The following TACC2 variants were observed in gnomAD, a reference collection of about 807,000 sequenced individuals.
TACC2 encodes the protein transforming acidic coiled-coil containing protein 2.
TACC2 carries 137 observed loss-of-function variants against 227.3 expected under a neutral mutation model. The observed-to-expected ratio is 0.60, with a 90% CI of 0.52 to 0.69. TACC2 has a LOEUF of 0.69. TACC2 is among the 30% of genes least tolerant of loss of function. The pLI is 0.00. For missense variants in TACC2, 3,470 were observed against 3,694.4 expected, an observed-to-expected ratio of 0.94 and a Z score of 1.57; for synonymous variants, 1,523 against 1,487.5, an observed-to-expected ratio of 1.02 and a Z score of -0.55.
At chr10:122,151,063 A>G (rs1017178591) in intron 7 of TACC2, among the ~76,000 whole-genome samples, 5 of 152,228 alleles carry the variant, frequency 3.3e-5, no homozygotes, top group Non-Finnish European at 7.3e-5. Flanking sequence ...TAGTAAATGT[A>G]CATGAAGAAT....
At chr10:122,129,703 G>T (rs1200728894) in intron 5 of TACC2, among the ~76,000 whole-genome samples, 1 of 152,168 alleles carries the variant, frequency 6.6e-6, no homozygotes, top group Non-Finnish European at 1.5e-5. Context: ...AAGACACCCA[G>T]CCGGAGCTCC....
chr10:122,111,530 C>T (rs12146289), intron 5 of TACC2, among the ~76,000 whole-genome samples: 5,158 of 152,270 alleles, frequency 0.034, 83 homozygotes, highest in Middle Eastern at 0.068. Context: ...CTCGCTCTGT[C>T]GCCAGGCTGG....
intron 2 of TACC2, among the ~76,000 whole-genome samples, chr10:122,040,693 C>A (rs1268776612): frequency 6.6e-6 from 1 of 152,146 alleles, no homozygotes; most frequent in South Asian, 2.1e-4. Flanking sequence ...AACATATCAT[C>A]ATTCAGTAAC....
chr10:122,043,467 TTCTTTCTTTTTC>T (rs1425882504), intron 2 of TACC2, among the ~76,000 whole-genome samples: 2 of 151,486 alleles, frequency 1.3e-5, no homozygotes, highest in Non-Finnish European at 2.9e-5. Context: ...TTCTCTTTCT[TTCTTTCTTTTTC>T]TCTTTCTTTT....
chr10:122,227,770 A>G, intron 13 of TACC2, 67 bp from the exon 14 acceptor site: 1 of 1,524,020 alleles, frequency 6.6e-7, no homozygotes, highest in South Asian at 1.3e-5. Flanking sequence ...TGGTCAGGGC[A>G]TCCTGGTTGA....
At chr10:122,073,167 G>A (rs72839689) in intron 3 of TACC2, among the ~76,000 whole-genome samples, 14,483 of 110,772 alleles carry the variant, frequency 0.13, 957 homozygotes, top group Middle Eastern at 0.25. Context: ...ACACACACAC[G>A]CATACATGAG....
chr10:122,045,711 T>A (rs2136102024), intron 2 of TACC2, among the ~76,000 whole-genome samples: 1 of 152,352 alleles, frequency 6.6e-6, no homozygotes, highest in South Asian at 2.1e-4. Flanking sequence ...AACATGATTT[T>A]ACCTGCCTGG....
chr10:122,051,844 G>A (rs2075738284), intron 3 of TACC2: 1 of 148,322 alleles, frequency 6.7e-6, no homozygotes, highest in African/African-American at 2.5e-5. Flanking sequence ...CATGCCTGGG[G>A]CATGGAAGTG....
intron 7 of TACC2, among the ~76,000 whole-genome samples, chr10:122,178,731 A>G (rs1565520729): frequency 6.6e-6 from 1 of 152,112 alleles, no homozygotes; most frequent in Non-Finnish European, 1.5e-5. Context: ...TAAAATTACA[A>G]AAAATCAGCC....
chr10:122,188,353 C>T (rs1056262511), intron 7 of TACC2, among the ~76,000 whole-genome samples: 13 of 152,114 alleles, frequency 8.5e-5, no homozygotes, highest in African/African-American at 3.1e-4. Flanking sequence ...GATCTTGGCT[C>T]ACTACAACCT....
chr10:122,096,276 C>T (rs1218314122), intron 5 of TACC2, among the ~76,000 whole-genome samples: 10 of 152,214 alleles, frequency 6.6e-5, no homozygotes, highest in African/African-American at 1.4e-4. Flanking sequence ...CACATCCAGG[C>T]CTGCGCACCC....
intron 5 of TACC2, among the ~76,000 whole-genome samples, chr10:122,125,177 T>A (rs1039111815): frequency 2.0e-5 from 3 of 152,092 alleles, no homozygotes; most frequent in African/African-American, 7.2e-5. Context: ...AATTCCTCAG[T>A]CTCTCCCTGT....
intron 5 of TACC2, among the ~76,000 whole-genome samples, chr10:122,108,420 A>ATATATGTG (rs2083161404): frequency 7.0e-6 from 1 of 143,264 alleles, no homozygotes; most frequent in Non-Finnish European, 1.5e-5. Flanking sequence ...GTGTGTATAT[A>ATATATGTG]TATATGTGTA....
At chr10:122,169,849 C>T (rs150497953) in intron 7 of TACC2, among the ~76,000 whole-genome samples, 1 of 152,288 alleles carries the variant, frequency 6.6e-6, no homozygotes. Context: ...CTCCCAGGCT[C>T]AAGTGATCCT....
chr10:122,030,352 C>T (rs890848459), intron 2 of TACC2, among the ~76,000 whole-genome samples: 5 of 152,122 alleles, frequency 3.3e-5, no homozygotes, highest in African/African-American at 1.2e-4. Context: ...CAGTGTCAAA[C>T]GAAGGGTTAG....
intron 18 of TACC2, chr10:122,241,733 TTTTTTC>T: frequency 1.7e-6 from 1 of 585,422 alleles, no homozygotes; most frequent in Non-Finnish European, 3.1e-6. Flanking sequence ...TGGTTTGATT[TTTTTTC>T]TTAGTGGGCA....
At chr10:122,163,549 G>A in intron 7 of TACC2, 4 of 990,320 alleles carry the variant, frequency 4.0e-6, no homozygotes, top group Non-Finnish European at 4.8e-6. Flanking sequence ...GGGGCTGCTC[G>A]GCGATGATGA....
chr10:121,993,916 G>A (rs1041327174), intron 1 of TACC2, among the ~76,000 whole-genome samples: 4 of 152,080 alleles, frequency 2.6e-5, no homozygotes, highest in Non-Finnish European at 4.4e-5. Flanking sequence ...TTATATAGAC[G>A]TAAGCCACCA....
chr10:122,083,157 G>C lies in TACC2; in HGVS notation c.657G>C (p.Gln219His). 1 of 1,613,240 alleles carries C rather than the reference G, an allele frequency of 6.2e-7. No homozygotes were observed. Among genetic ancestry groups the C allele is most frequent in the Non-Finnish European group, 8.5e-7 (1 of 1,180,022 alleles). ...MKAPLCGEGD[Q>H]PGGFESQEKE... ...CACCGCTGTGTGGAGAGGGGGACCA[G>C]CCTGGTGGTTTTGAGTCCCAAGAGA... Residue 219 changes from glutamine to histidine, a missense_variant, in exon 4 of 23, where the codon CAG becomes CAC. Around this residue, in one of 10 missense-constraint regions of TACC2, gnomAD observed 405 missense variants for 389.6 expected, o/e 1.04. Coordinates refer to ENST00000369005, the MANE Select transcript of TACC2 (RefSeq NM_206862.4).
Sources: allele counts gnomAD v4.1 joint callset (sites outside exome capture counted in the v4.1 genomes callset), GRCh38; gene constraint gnomAD v4.1.1; regional missense constraint gnomAD v4.1.1; transcripts MANE v1.5; gene names NCBI Gene and HGNC (gene_info 2026-07-23, HGNC 2026-07-21).